CNTN5: variants seen among roughly 807,000 people sequenced by gnomAD.
CNTN5 encodes the protein contactin 5, also known as contactin-5.
A neutral mutation model predicts 129.1 loss-of-function variants in CNTN5; 77 were observed. The observed-to-expected ratio is 0.60, with a 90% CI of 0.50 to 0.72. The LOEUF (loss-of-function observed/expected upper bound fraction) is 0.72, where lower values mean the gene tolerates loss of function less well. Among genes scored for constraint, CNTN5 ranks in the 30% least tolerant of loss-of-function variants. The pLI is 0.00. For missense variants in CNTN5, 1,478 were observed against 1,328.8 expected, an observed-to-expected ratio of 1.11 and a Z score of -1.75; for synonymous variants, 509 against 465.6, an observed-to-expected ratio of 1.09 and a Z score of -1.20.
intron 13 of CNTN5, among the ~76,000 whole-genome samples, chr11:100,157,852 AAAAAG>A (rs1347849418): frequency 6.3e-5 from 6 of 95,320 alleles, no homozygotes; most frequent in Non-Finnish European, 1.5e-4. Context: ...AGATAAATAA[AAAAAG>A]CATGTGAAAA....
At chr11:99,456,670 A>G (rs1303466282) in intron 2 of CNTN5, among the ~76,000 whole-genome samples, 2 of 152,064 alleles carry the variant, frequency 1.3e-5, no homozygotes, top group Admixed American at 6.6e-5. Flanking sequence ...TTCTTTTAAC[A>G]TTTGAGATTG....
chr11:99,082,446 G>T (rs773037590), intron 1 of CNTN5, among the ~76,000 whole-genome samples: 12 of 152,160 alleles, frequency 7.9e-5, no homozygotes, highest in Non-Finnish European at 1.2e-4. Flanking sequence ...GCCCTCCAAA[G>T]TGCTGGAATT....
At chr11:99,083,033 A>AACACAC (rs5793966) in intron 1 of CNTN5, among the ~76,000 whole-genome samples, 1 of 150,120 alleles carries the variant, frequency 6.7e-6, no homozygotes, top group Admixed American at 6.6e-5. Flanking sequence ...AAATGATTTA[A>AACACAC]ACACACACAC....
At chr11:99,170,401 C>T (rs1861093331) in intron 1 of CNTN5, among the ~76,000 whole-genome samples, 10 of 152,114 alleles carry the variant, frequency 6.6e-5, no homozygotes, top group Admixed American at 6.5e-4. Context: ...CTAATCTTGG[C>T]TTTGTAATTT....
chr11:99,738,614 A>AAAGT (rs1312679216), intron 3 of CNTN5, among the ~76,000 whole-genome samples: 2 of 99,264 alleles, frequency 2.0e-5, no homozygotes, highest in Non-Finnish European at 4.0e-5. Flanking sequence ...ATAAGACAGT[A>AAAGT]ACGTGTGTGT....
intron 21 of CNTN5, among the ~76,000 whole-genome samples, chr11:100,315,092 A>G (rs1951551055): frequency 6.6e-6 from 1 of 152,086 alleles, no homozygotes; most frequent in Non-Finnish European, 1.5e-5. Flanking sequence ...CTTGATCCTA[A>G]CTTCTGGTAG....
intron 1 of CNTN5, among the ~76,000 whole-genome samples, chr11:99,111,040 T>C (rs1477517975): frequency 6.6e-6 from 1 of 152,194 alleles, no homozygotes; most frequent in Non-Finnish European, 1.5e-5. Context: ...TTTAGATTTT[T>C]CATAGATAGT....
chr11:100,155,828 T>C (rs536648345), intron 13 of CNTN5, among the ~76,000 whole-genome samples: 2 of 152,136 alleles, frequency 1.3e-5, no homozygotes, highest in East Asian at 3.9e-4. Flanking sequence ...TGTATAAGAA[T>C]GCTTGTGATT....
At position 99,863,803 on chromosome 11, in the gene CNTN5, G is replaced by A. The variant is rs527638711; in HGVS notation, c.577+18541G>A. On this transcript the variant is annotated intron_variant, in intron 6 of 24. Transcript: ENST00000524871. ...TACTTTCACAGTTAATGTTTAGAAA[G>A]CAAGCTTTAATTGCAATTCAAATTG... is the stretch of plus-strand genomic sequence containing the variant. 6.8e-4 allele frequency among the ~76,000 whole-genome samples: 104 copies of A among 152,254 alleles called. 1 individual carries two copies. The South Asian group carries it at 0.021, about 31-fold the overall frequency.
chr11:99,836,031 C>T (rs1283596120), intron 4 of CNTN5, among the ~76,000 whole-genome samples: 2 of 151,072 alleles, frequency 1.3e-5, no homozygotes, highest in East Asian at 1.9e-4. Flanking sequence ...ATGGCTACTC[C>T]ATAGACAGTC....
intron 13 of CNTN5, among the ~76,000 whole-genome samples, chr11:100,148,454 A>G (rs1397741213): frequency 1.3e-5 from 2 of 152,182 alleles, no homozygotes; most frequent in Non-Finnish European, 2.9e-5. Context: ...TCCAAGCTTT[A>G]ACAATATATC....
At position 99,361,476 on chromosome 11, in the gene CNTN5, T is replaced by A. The variant is rs1939107314; in HGVS notation, c.-71+35992T>A. Among the ~76,000 whole-genome samples the A allele has an allele frequency of 1.3e-5, 2 of 152,158 alleles. 1 individual carries two copies. The highest frequency in any genetic ancestry group is 4.1e-4 in the South Asian group (2 of 4,830). On this transcript the variant is annotated intron_variant, in intron 2 of 24. Coordinates refer to ENST00000524871, the MANE Select transcript of CNTN5 (RefSeq NM_014361.4). ...AGGGATTTGCAAATCTCATTTTGTATGTGTGTGGTAAAATATATTTAACAT... is the reference window on the plus strand; with the variant it reads ...AGGGATTTGCAAATCTCATTTTGTAAGTGTGTGGTAAAATATATTTAACAT...
rs1416284137 is a variant in CNTN5 at position 100,345,805 on chromosome 11, T to C, written c.3030+4600T>C. The stretch of plus-strand genomic sequence containing the variant: ...ATGCTGGGCTTCTTGGAATTTTGTT[T>C]AAGAAATCCAGATTTAATAGTAATA... On this transcript the variant is annotated intron_variant, in intron 23 of 24. Transcript: ENST00000524871. Among the ~76,000 whole-genome samples, 6 of 152,260 alleles carry C rather than the reference T, an allele frequency of 3.9e-5. 1 individual carries two copies. The South Asian group carries it at 1.0e-3, about 26-fold the overall frequency.
intron 2 of CNTN5, among the ~76,000 whole-genome samples, chr11:99,360,510 C>T (rs1939032835): frequency 6.6e-6 from 1 of 152,140 alleles, no homozygotes; most frequent in African/African-American, 2.4e-5. Context: ...GAGATGGCAC[C>T]ACACATACAT....
chr11:99,230,273 A>G (rs1860922488), intron 1 of CNTN5, among the ~76,000 whole-genome samples: 2 of 152,056 alleles, frequency 1.3e-5, no homozygotes, highest in South Asian at 4.1e-4. Context: ...TAACAACAAA[A>G]ATGACGAAAG....
chr11:99,893,778 A>G (rs1252289970), intron 6 of CNTN5, among the ~76,000 whole-genome samples: 1 of 152,162 alleles, frequency 6.6e-6, no homozygotes, highest in Non-Finnish European at 1.5e-5. Context: ...CCAACATCAC[A>G]TTGTCTTTAT....
chr11:99,817,110 C>T (rs1214310379), intron 3 of CNTN5, among the ~76,000 whole-genome samples: 1 of 152,110 alleles, frequency 6.6e-6, no homozygotes, highest in African/African-American at 2.4e-5. Context: ...TGAATACTGC[C>T]TTTTTTCCCC....
At chr11:99,249,902 T>G (rs971084387) in intron 1 of CNTN5, among the ~76,000 whole-genome samples, 7 of 152,002 alleles carry the variant, frequency 4.6e-5, no homozygotes, top group Admixed American at 1.3e-4. Flanking sequence ...CATTCTTTAT[T>G]CACTGTCACT....
chr11:99,417,577 G>T (rs1207552394), intron 2 of CNTN5, among the ~76,000 whole-genome samples: 1 of 151,916 alleles, frequency 6.6e-6, no homozygotes, highest in Non-Finnish European at 1.5e-5. Flanking sequence ...TTGAGTTGAA[G>T]TGCTCAATTA....
Sources: allele counts gnomAD v4.1 joint callset (sites outside exome capture counted in the v4.1 genomes callset), GRCh38; gene constraint gnomAD v4.1.1; transcripts MANE v1.5; gene names NCBI Gene and HGNC (gene_info 2026-07-23, HGNC 2026-07-21).